GTF2IRD1: variants seen among roughly 807,000 people sequenced by gnomAD.
The protein encoded by GTF2IRD1 is general transcription factor II-I repeat domain-containing protein 1.
GTF2IRD1 carries 26 observed loss-of-function variants against 113.2 expected under a neutral mutation model. That is an observed-to-expected ratio of 0.23 (90% CI 0.17 to 0.32). The LOEUF is 0.32. Ranked by LOEUF, GTF2IRD1 falls within the 10% of genes least tolerant of loss-of-function variation. GTF2IRD1 has a pLI of 1.00. For synonymous variants in GTF2IRD1, 484 were observed against 529.1 expected, an observed-to-expected ratio of 0.91 and a Z score of 1.17; for missense variants, 864 against 1,280.8, an observed-to-expected ratio of 0.67 and a Z score of 4.97.
At position 74,456,678 on chromosome 7, in the gene GTF2IRD1, A is replaced by G. The variant is rs1792997585; in HGVS notation, c.-7+2502A>G. ...AGCCTGGGCAACAGAGCAAGACTCC[A>G]TCTAAAAAAAAAAAAAGAAAAAATT... On this transcript the variant is annotated intron_variant, in intron 1 of 26. Transcript: ENST00000424337. Among the ~76,000 whole-genome samples, 3 of 150,800 alleles carry G rather than the reference A, an allele frequency of 2.0e-5. No homozygotes were observed. The South Asian group carries it at 6.3e-4, about 32-fold the overall frequency.
chr7:74,530,446 G>T (rs894919515), intron 9 of GTF2IRD1, among the ~76,000 whole-genome samples: 4 of 150,586 alleles, frequency 2.7e-5, no homozygotes, highest in Non-Finnish European at 5.9e-5. Context: ...TTTGAGGATT[G>T]AATGGAAAAT....
chr7:74,580,851 C>G (rs1801373780), intron 22 of GTF2IRD1, among the ~76,000 whole-genome samples: 1 of 152,112 alleles, frequency 6.6e-6, no homozygotes, highest in African/African-American at 2.4e-5. Context: ...AGGTGAAACC[C>G]TACACACACT....
At chr7:74,481,871 C>T (rs564732508) in intron 1 of GTF2IRD1, among the ~76,000 whole-genome samples, 4 of 152,372 alleles carry the variant, frequency 2.6e-5, no homozygotes, top group Non-Finnish European at 5.9e-5. Context: ...TCCTGAAACA[C>T]GTCACAGCGT....
chr7:74,572,342 A>G (rs1800744046), intron 22 of GTF2IRD1, among the ~76,000 whole-genome samples: 4 of 152,066 alleles, frequency 2.6e-5, no homozygotes, highest in Admixed American at 2.6e-4. Context: ...ATCTTGGATA[A>G]GTTAACTTGC....
intron 1 of GTF2IRD1, among the ~76,000 whole-genome samples, chr7:74,475,372 T>C (rs1184801468): frequency 2.0e-5 from 3 of 152,174 alleles, no homozygotes; most frequent in Admixed American, 6.5e-5. Flanking sequence ...TATGTCTTCA[T>C]TGGAGGGTAC....
Position 74,573,015 on chromosome 7 carries a change from G to T in GTF2IRD1, c.2320+13360G>T, listed in dbSNP as rs587743332. 1.2e-4 allele frequency among the ~76,000 whole-genome samples: 19 copies of T among 152,146 alleles called. No individual in the cohort carries two copies. In the South Asian group the frequency reaches 3.9e-3, roughly 32 times the overall value. ...TGTTGGGGAGACCCTGCCCTTTTCT[G>T]GCTGGTGGGGACTTAGCTGGGGTCA... On this transcript the variant is annotated intron_variant, in intron 22 of 26. Coordinates refer to ENST00000424337, the MANE Select transcript of GTF2IRD1 (RefSeq NM_005685.4).
chr7:74,514,468 G>C (rs1172227146), intron 3 of GTF2IRD1, among the ~76,000 whole-genome samples: 5 of 152,202 alleles, frequency 3.3e-5, no homozygotes, highest in Non-Finnish European at 5.9e-5. Flanking sequence ...GCTATTTATA[G>C]CACCAGGAAC....
chr7:74,526,948 C>CA (rs1258671617), intron 8 of GTF2IRD1, among the ~76,000 whole-genome samples: 1 of 152,188 alleles, frequency 6.6e-6, no homozygotes, highest in African/African-American at 2.4e-5. Context: ...AAAACAGTGT[C>CA]AGAGGCACCC....
At chr7:74,576,655 A>G (rs1221645173) in intron 22 of GTF2IRD1, among the ~76,000 whole-genome samples, 2 of 92,334 alleles carry the variant, frequency 2.2e-5, no homozygotes, top group Admixed American at 3.3e-4. Flanking sequence ...TTTTTGAGAC[A>G]GAGTCTTCAG....
intron 22 of GTF2IRD1, among the ~76,000 whole-genome samples, chr7:74,577,090 T>G (rs1801120070): frequency 6.6e-6 from 1 of 152,032 alleles, no homozygotes; most frequent in South Asian, 2.1e-4. Context: ...CAGGCTGGAG[T>G]GCAGTGGCGC....
At chr7:74,597,626 C>T (rs1284390980) in intron 25 of GTF2IRD1, among the ~76,000 whole-genome samples, 1 of 152,078 alleles carries the variant, frequency 6.6e-6, no homozygotes, top group Admixed American at 6.6e-5. Context: ...GGATTACAGG[C>T]GTGAGCTACT....
intron 1 of GTF2IRD1, among the ~76,000 whole-genome samples, chr7:74,490,155 A>G (rs537295819): frequency 2.2e-4 from 33 of 152,086 alleles, no homozygotes; most frequent in African/African-American, 7.5e-4. Context: ...TTTTGTAGAG[A>G]TGGGGTCTCA....
At chr7:74,583,911 A>G (rs765681169) in intron 22 of GTF2IRD1, among the ~76,000 whole-genome samples, 34 of 152,026 alleles carry the variant, frequency 2.2e-4, no homozygotes, top group Non-Finnish European at 5.0e-4. Context: ...ATGAGCCCAC[A>G]TCCTTGGAGC....
chr7:74,535,075 C>T, intron 9 of GTF2IRD1, 38 bp from the exon 10 acceptor site: 1 of 1,601,804 alleles, frequency 6.2e-7, no homozygotes, highest in Non-Finnish European at 8.6e-7. Flanking sequence ...GTCCTCCAGC[C>T]TGCACTGTTC....
At chr7:74,528,707 GTGGATGGATGGA>G (rs58102974) in intron 8 of GTF2IRD1, among the ~76,000 whole-genome samples, 17,751 of 106,824 alleles carry the variant, frequency 0.17, 1,473 homozygotes, top group Non-Finnish European at 0.19. Context: ...GGAAAGATGG[GTGGATGGATGGA>G]TGGATGGATG....
At chr7:74,591,067 G>A (rs1287102265) in intron 24 of GTF2IRD1, 50 bp downstream of exon 24, 2 of 1,384,094 alleles carry the variant, frequency 1.4e-6, no homozygotes, top group Non-Finnish European at 2.0e-6. Context: ...AGGCCATGGG[G>A]AGGGTGAAAG....
At chr7:74,548,854 G>T (rs1554354078) in intron 17 of GTF2IRD1, among the ~76,000 whole-genome samples, 1 of 152,146 alleles carries the variant, frequency 6.6e-6, no homozygotes, top group Non-Finnish European at 1.5e-5. Flanking sequence ...GCTCCAGTGA[G>T]CTATGATTGC....
In GTF2IRD1 at chr7:74,561,868, C is replaced by T. The variant is rs587646910; in HGVS notation, c.2320+2213C>T. Among the ~76,000 whole-genome samples the T allele has an allele frequency of 7.9e-5, 12 of 152,222 alleles. 1 individual carries two copies. The South Asian group carries it at 2.5e-3, about 32-fold the overall frequency. ...ATAGCTAGGAGGTTGACGCTAGAGC[C>T]CACCTTACAGAGGGGGAGACTGAGG... On this transcript the variant is annotated intron_variant, in intron 22 of 26. Coordinates refer to ENST00000424337, the MANE Select transcript of GTF2IRD1 (RefSeq NM_005685.4).
chr7:74,580,016 C>G (rs1311130351), intron 22 of GTF2IRD1, among the ~76,000 whole-genome samples: 1 of 152,160 alleles, frequency 6.6e-6, no homozygotes, highest in Admixed American at 6.6e-5. Context: ...CACAGGTCCA[C>G]AGGTCTCTGC....
Sources: allele counts gnomAD v4.1 joint callset (sites outside exome capture counted in the v4.1 genomes callset), GRCh38; gene constraint gnomAD v4.1.1; transcripts MANE v1.5; gene names NCBI Gene and HGNC (gene_info 2026-07-23, HGNC 2026-07-21).